Variants in SPAG16 observed in about 807,000 individuals in gnomAD.
SPAG16 encodes the protein sperm-associated antigen 16 protein.
SPAG16 carries 86 observed loss-of-function variants against 80.4 expected under a neutral mutation model. That is an observed-to-expected ratio of 1.07 (90% CI 0.90 to 1.28). The LOEUF is 1.28. SPAG16 is among the 50% of genes most tolerant of loss of function. The probability of loss-of-function intolerance (pLI) is 0.00; values close to 1 mark genes in which losing one functional copy is unlikely to be tolerated. For synonymous variants in SPAG16, 294 were observed against 265.9 expected (o/e 1.11, Z -1.03); for missense variants, 870 against 765.3 (o/e 1.14, Z -1.61).
chr2:213,724,798 AAAAG>A (rs1362587860), intron 10 of SPAG16, among the ~76,000 whole-genome samples: 2,589 of 97,134 alleles, frequency 0.027, 205 homozygotes, highest in African/African-American at 0.052. Context: ...AAAAAAAAAA[AAAAG>A]AAAAAAGGAT....
At chr2:214,302,247 T>C (rs1455778374) in intron 15 of SPAG16, among the ~76,000 whole-genome samples, 1 of 152,184 alleles carries the variant, frequency 6.6e-6, no homozygotes, top group Non-Finnish European at 1.5e-5. Context: ...TAAAAATGTA[T>C]ATTCTGAAGT....
intron 9 of SPAG16, among the ~76,000 whole-genome samples, chr2:213,406,829 C>T (rs992038297): frequency 7.2e-5 from 11 of 151,942 alleles, no homozygotes; most frequent in Non-Finnish European, 1.6e-4. Flanking sequence ...ACGGTCTCTC[C>T]TCTCTCGTGA....
At chr2:213,587,483 C>A (rs1268445846) in intron 10 of SPAG16, among the ~76,000 whole-genome samples, 2 of 152,166 alleles carry the variant, frequency 1.3e-5, no homozygotes, top group Non-Finnish European at 2.9e-5. Context: ...GCCCTAAGAC[C>A]CAGTACTCTG....
chr2:213,367,423 T>A (rs944125465), intron 8 of SPAG16, among the ~76,000 whole-genome samples: 4 of 152,282 alleles, frequency 2.6e-5, no homozygotes, highest in African/African-American at 7.2e-5. Context: ...AAAGTGTTCC[T>A]ATTTCTCCAC....
At chr2:213,925,069 T>C (rs1165387797) in intron 11 of SPAG16, among the ~76,000 whole-genome samples, 3 of 152,154 alleles carry the variant, frequency 2.0e-5, no homozygotes, top group African/African-American at 7.2e-5. Context: ...TAGTAAAGCC[T>C]AAATTGATCA....
intron 11 of SPAG16, among the ~76,000 whole-genome samples, chr2:213,907,282 T>G (rs1036927680): frequency 1.3e-5 from 2 of 152,110 alleles, no homozygotes; most frequent in African/African-American, 4.8e-5. Flanking sequence ...GAAAAGATTC[T>G]CAACATCACT....
At chr2:213,379,282 GA>G (rs972327010) in intron 9 of SPAG16, among the ~76,000 whole-genome samples, 1 of 152,146 alleles carries the variant, frequency 6.6e-6, no homozygotes, top group Non-Finnish European at 1.5e-5. Flanking sequence ...ACCATATATT[GA>G]ATGCTGATTC....
chr2:214,116,672 C>T (rs897874869), intron 14 of SPAG16, among the ~76,000 whole-genome samples: 1 of 152,174 alleles, frequency 6.6e-6, no homozygotes, highest in South Asian at 2.1e-4. Flanking sequence ...GTCTTAGGTT[C>T]CTGCTCAGCT....
chr2:214,037,837 T>G (rs1025716845), intron 13 of SPAG16, among the ~76,000 whole-genome samples: 2 of 151,592 alleles, frequency 1.3e-5, no homozygotes, highest in African/African-American at 4.8e-5. Flanking sequence ...AATATTGCCT[T>G]TGCTCTGTTA....
chr2:214,254,798 CA>C (rs2125857399), intron 15 of SPAG16, among the ~76,000 whole-genome samples: 1 of 151,932 alleles, frequency 6.6e-6, no homozygotes, highest in South Asian at 2.1e-4. Flanking sequence ...GGGGAAAACT[CA>C]TTTTTATTTT....
chr2:213,321,019 A>G (rs962217925), intron 5 of SPAG16, among the ~76,000 whole-genome samples: 1 of 152,100 alleles, frequency 6.6e-6, no homozygotes, highest in African/African-American at 2.4e-5. Context: ...GATTCCCTAT[A>G]TTGAGCTTGA....
At chr2:213,921,850 T>G (rs1175495450) in intron 11 of SPAG16, among the ~76,000 whole-genome samples, 1 of 152,216 alleles carries the variant, frequency 6.6e-6, no homozygotes, top group Non-Finnish European at 1.5e-5. Context: ...ATCCTGAATA[T>G]AAGCACTCAA....
At chr2:213,651,205 T>C (rs1158558619) in intron 10 of SPAG16, among the ~76,000 whole-genome samples, 2 of 152,172 alleles carry the variant, frequency 1.3e-5, no homozygotes, top group Non-Finnish European at 2.9e-5. Context: ...TATACAATTA[T>C]GTGAGCTGGT....
At chr2:213,547,804 A>C (rs1025965006) in intron 10 of SPAG16, among the ~76,000 whole-genome samples, 5 of 152,164 alleles carry the variant, frequency 3.3e-5, no homozygotes, top group Non-Finnish European at 7.4e-5. Context: ...TTGAACATAC[A>C]TTCTTATTTG....
intron 6 of SPAG16, 90 bp downstream of exon 6, chr2:213,340,360 T>C: frequency 1.1e-6 from 1 of 904,164 alleles, no homozygotes; most frequent in Non-Finnish European, 1.7e-6. Flanking sequence ...ACAAAGTTAT[T>C]AATTCCACGG....
intron 15 of SPAG16, chr2:214,238,194 A>T: frequency 2.3e-6 from 1 of 435,428 alleles, no homozygotes; most frequent in Non-Finnish European, 4.5e-6. Flanking sequence ...AGCTTTCTTG[A>T]TGTTACCTCA....
chr2:213,950,734 G>T (rs114790536), intron 12 of SPAG16, among the ~76,000 whole-genome samples: 20 of 119,318 alleles, frequency 1.7e-4, no homozygotes, highest in African/African-American at 5.9e-4. Context: ...CCCTCAAGAC[G>T]GTCTTGCTCT....
At chr2:213,862,294 G>A (rs2075502844) in intron 10 of SPAG16, among the ~76,000 whole-genome samples, 191 bp from the exon 11 acceptor site, 1 of 152,238 alleles carries the variant, frequency 6.6e-6, no homozygotes, top group Middle Eastern at 3.4e-3. Flanking sequence ...TAGATTGATG[G>A]AGATCAGAAA....
chr2:213,532,925 A>C (rs981168179), intron 10 of SPAG16, among the ~76,000 whole-genome samples: 3 of 152,216 alleles, frequency 2.0e-5, no homozygotes, highest in Non-Finnish European at 2.9e-5. Flanking sequence ...ATGTTTTAAC[A>C]ATATTAAATA....
Sources: gnomAD v4.1 joint callset for allele counts (sites outside exome capture counted in the v4.1 genomes callset) on GRCh38, gnomAD v4.1.1 for gene constraint, MANE v1.5 for transcripts, NCBI Gene and HGNC (gene_info 2026-07-23, HGNC 2026-07-21) for gene names.